PLA2G4C: variants seen among roughly 807,000 people sequenced by gnomAD.
PLA2G4C encodes the protein phospholipase A2 group IVC.
Under a neutral mutation model 73.8 loss-of-function variants are expected in PLA2G4C, and 64 were observed. The observed-to-expected ratio is 0.87, with a 90% CI of 0.71 to 1.07. The LOEUF (loss-of-function observed/expected upper bound fraction) is 1.07, where lower values mean the gene tolerates loss of function less well. Among genes scored for constraint, PLA2G4C ranks in the 50% least tolerant of loss-of-function variants. The pLI is 0.00. For missense variants in PLA2G4C, 622 were observed against 665.4 expected, an observed-to-expected ratio of 0.93 and a Z score of 0.72; for synonymous variants, 254 against 252.1, an observed-to-expected ratio of 1.01 and a Z score of -0.07.
chr19:48,069,676 AG>A (rs1277955088), intron 12 of PLA2G4C, among the ~76,000 whole-genome samples: 1 of 152,188 alleles, frequency 6.6e-6, no homozygotes, highest in Non-Finnish European at 1.5e-5. Context: ...AAGAGAGCAA[AG>A]CTAGTAGGGA....
intron 1 of PLA2G4C, among the ~76,000 whole-genome samples, chr19:48,108,123 T>C (rs1165887038): frequency 6.6e-6 from 1 of 152,192 alleles, no homozygotes; most frequent in African/African-American, 2.4e-5. Context: ...TGTGTTTTTA[T>C]TTCTACGATC....
At chr19:48,086,039 G>A (rs1367666108) in intron 9 of PLA2G4C, among the ~76,000 whole-genome samples, 1 of 152,194 alleles carries the variant, frequency 6.6e-6, no homozygotes, top group Non-Finnish European at 1.5e-5. Flanking sequence ...GAAGCCCCCA[G>A]CTGGGTTTCA....
Position 48,054,881 on chromosome 19 carries a change from C to T in PLA2G4C, c.1426G>A (p.Gly476Arg). 6.2e-7 allele frequency: 1 copy of T among 1,614,006 alleles called. No homozygotes were observed. The highest frequency in any genetic ancestry group is 8.5e-7 in the Non-Finnish European group (1 of 1,179,976). Reference protein sequence around the residue: ...HFPLFNIDACGGDIEAWSDTY... With the variant: ...HFPLFNIDACRGDIEAWSDTY... ...CCTGCTCCTCCCCTGCACCTACCTCCACAGGCATCTATGTTGAACAGGGGA... is the reference window on the plus strand; with the variant it reads ...CCTGCTCCTCCCCTGCACCTACCTCTACAGGCATCTATGTTGAACAGGGGA... The change falls in exon 15 of 17, where the codon GGA becomes AGA. Residue 476 changes from glycine (G) to arginine (R), a missense_variant. Coordinates refer to ENST00000599921, the MANE Select transcript of PLA2G4C (RefSeq NM_003706.3).
chr19:48,091,875 C>T, intron 7 of PLA2G4C, among the ~76,000 whole-genome samples: 1 of 106,382 alleles, frequency 9.4e-6, no homozygotes, highest in African/African-American at 4.2e-5. Flanking sequence ...CAGAGTGAGA[C>T]TCCATCTCAA....
At position 48,098,713 on chromosome 19, in the gene PLA2G4C, TAAAAAAAAAAAAAAAAAAAA is replaced by T. The variant is rs548688675; in HGVS notation, c.448-474_448-455del. On this transcript the variant is annotated intron_variant, in intron 5 of 16. Coordinates refer to ENST00000599921, the MANE Select transcript of PLA2G4C (RefSeq NM_003706.3). ...GAGCAAAAAAGCGAAACCCTATCTC[TAAAAAAAAAAAAAAAAAAAA>T]AAAAAAAAAAAAAAAAAAATTTGTC... Among the ~76,000 whole-genome samples, 8 of 30,906 alleles carry T rather than the reference TAAAAAAAAAAAAAAAAAAAA, an allele frequency of 2.6e-4. No individual in the cohort carries two copies. The South Asian group carries it at 4.7e-3, about 18-fold the overall frequency. The allele number at this position is 30,906 out of a possible 152,430, so 20.3% of individuals were successfully genotyped here.
At chr19:48,073,672 CTGT>C (rs2029938718) in intron 12 of PLA2G4C, among the ~76,000 whole-genome samples, 2 of 152,062 alleles carry the variant, frequency 1.3e-5, no homozygotes, top group Non-Finnish European at 2.9e-5. Flanking sequence ...GTTCTGGATG[CTGT>C]ACAGGAAGCG....
intron 10 of PLA2G4C, among the ~76,000 whole-genome samples, chr19:48,084,221 G>A (rs10775549): frequency 0.18 from 27,782 of 151,824 alleles, 2,855 homozygotes; most frequent in Non-Finnish European, 0.24. Context: ...CACCATACTT[G>A]GCTAATTTTT....
At chr19:48,076,445 G>A (rs934365558) in intron 11 of PLA2G4C, among the ~76,000 whole-genome samples, 1 of 152,080 alleles carries the variant, frequency 6.6e-6, no homozygotes, top group Non-Finnish European at 1.5e-5. Context: ...GAGAAGCAAC[G>A]AGATGCAAGC....
chr19:48,061,691 G>A (rs745905199), intron 14 of PLA2G4C: 14 of 353,730 alleles, frequency 4.0e-5, no homozygotes, highest in Non-Finnish European at 6.9e-5. Flanking sequence ...GTGCACAGGT[G>A]AGGAGCTAGG....
rs147287849 is a variant in PLA2G4C at position 48,050,411 on chromosome 19, G to T, written c.1581-2023C>A. ...TCTACCTTGCGACCCTGAGGTCATT[G>T]ACCCAAACTGCTCCTCAGGGTGCTA... On this transcript the variant is annotated intron_variant, in intron 16 of 16. Coordinates refer to ENST00000599921, the MANE Select transcript of PLA2G4C (RefSeq NM_003706.3). Among the ~76,000 whole-genome samples the T allele has an allele frequency of 4.7e-3, 718 of 152,192 alleles. 5 individuals are homozygous for T. The highest frequency in any genetic ancestry group is 0.017 in the African/African-American group (694 of 41,540).
At chr19:48,069,600 C>G (rs1790849155) in intron 12 of PLA2G4C, among the ~76,000 whole-genome samples, 1 of 152,140 alleles carries the variant, frequency 6.6e-6, no homozygotes, top group South Asian at 2.1e-4. Context: ...CTGCCTCCCC[C>G]TCTGATTTCC....
At chr19:48,074,672 TGCAGGACTG>T in intron 12 of PLA2G4C, 86 bp downstream of exon 12, 1 of 819,334 alleles carries the variant, frequency 1.2e-6, no homozygotes, top group Non-Finnish European at 2.2e-6. Context: ...TCATGTCCCC[TGCAGGACTG>T]GCCCACAGGG....
intron 12 of PLA2G4C, among the ~76,000 whole-genome samples, chr19:48,074,155 C>T (rs1293527522): frequency 6.6e-6 from 1 of 151,840 alleles, no homozygotes; most frequent in Non-Finnish European, 1.5e-5. Context: ...CCCCAACAGG[C>T]CCCAGTGTGT....
rs34388817 is a variant in PLA2G4C, at chr19:48,080,993, CAAAAA to C, written c.845-3174_845-3170del. On this transcript the variant is annotated intron_variant, in intron 10 of 16. Coordinates refer to ENST00000599921, the MANE Select transcript of PLA2G4C (RefSeq NM_003706.3). Reference sequence around the variant, plus strand: ...CTAACACCGGTCTCTACTAAAAATACAAAAAAAAAAAAAAAAAAAAAATTAGCTGG... The same window carrying C: ...CTAACACCGGTCTCTACTAAAAATACAAAAAAAAAAAAAAAAATTAGCTGG... Among the ~76,000 whole-genome samples, 7 of 102,892 alleles carry C rather than the reference CAAAAA, an allele frequency of 6.8e-5. 1 individual carries two copies. The highest frequency in any genetic ancestry group is 2.8e-4 in the African/African-American group (7 of 25,326). 67.5% of individuals were successfully genotyped at this position (102,892 alleles called of 152,430 possible).
At chr19:48,071,603 TC>T (rs1448490161) in intron 12 of PLA2G4C, among the ~76,000 whole-genome samples, 3 of 151,760 alleles carry the variant, frequency 2.0e-5, no homozygotes, top group Non-Finnish European at 4.4e-5. Context: ...GGCCATTCTA[TC>T]TTATATTTTT....
At chr19:48,082,017 G>A (rs56084146) in intron 10 of PLA2G4C, among the ~76,000 whole-genome samples, 8,564 of 151,916 alleles carry the variant, frequency 0.056, 339 homozygotes, top group Middle Eastern at 0.12. Flanking sequence ...GGATACAGAG[G>A]TTGCAGTGAG....
rs11564503 is a variant in PLA2G4C at position 48,110,216 on chromosome 19, T to G, written c.-33+271A>C. Among the ~76,000 whole-genome samples, 63 of 151,208 alleles carry G rather than the reference T, an allele frequency of 4.2e-4. No individual in the cohort carries two copies. In the South Asian group the frequency reaches 0.012, roughly 30 times the overall value. Reference sequence around the variant, plus strand: ...CAAAAATTAGCCGGGTGTGGTGGTGTGCGCCTGTAATCCCAGCTACTCGGG... The same window carrying G: ...CAAAAATTAGCCGGGTGTGGTGGTGGGCGCCTGTAATCCCAGCTACTCGGG... On this transcript the variant is annotated intron_variant, in intron 1 of 16. Coordinates refer to ENST00000599921, the MANE Select transcript of PLA2G4C (RefSeq NM_003706.3).
intron 16 of PLA2G4C, among the ~76,000 whole-genome samples, chr19:48,050,277 G>A (rs1243132774): frequency 6.6e-6 from 1 of 152,110 alleles, no homozygotes; most frequent in Non-Finnish European, 1.5e-5. Flanking sequence ...CTCATTAGAA[G>A]ACAGATGAGC....
intron 8 of PLA2G4C, 142 bp from the exon 9 acceptor site, chr19:48,088,854 G>C (rs1280188991): frequency 2.9e-6 from 2 of 694,734 alleles, no homozygotes; most frequent in Non-Finnish European, 5.1e-6. Flanking sequence ...AATGGCTCTC[G>C]AGAGCCAATT....
Sources: gnomAD v4.1 joint callset for allele counts (sites outside exome capture counted in the v4.1 genomes callset) on GRCh38, gnomAD v4.1.1 for gene constraint, MANE v1.5 for transcripts, NCBI Gene and HGNC (gene_info 2026-07-23, HGNC 2026-07-21) for gene names.